MBTD1: variants seen among roughly 807,000 people sequenced by gnomAD.
MBTD1 encodes the protein MBT domain-containing protein 1.
A neutral mutation model predicts 87.8 loss-of-function variants in MBTD1; 24 were observed. That is an observed-to-expected ratio of 0.27 (90% CI 0.20 to 0.38). The LOEUF (loss-of-function observed/expected upper bound fraction) is 0.38. MBTD1 is among the 10% of genes least tolerant of loss of function. MBTD1 has a pLI of 1.00. For synonymous variants in MBTD1, 237 were observed against 248.6 expected (o/e 0.95, Z 0.44); for missense variants, 436 against 760.2 (o/e 0.57, Z 5.02).
Position 51,184,403 on chromosome 17 carries a change from C to T in MBTD1, c.1769-3709G>A, listed in dbSNP as rs952457879. ...AACTGAAATCATATTTTTCCAGCTA[C>T]GAAGCCCATAAATAATAAACTCTTT... On this transcript the variant is annotated intron_variant, in intron 16 of 16. Coordinates refer to ENST00000586178, the MANE Select transcript of MBTD1 (RefSeq NM_017643.3). The T allele has an allele frequency of 3.9e-5, 6 of 152,196 alleles. No individual in the cohort carries two copies. The East Asian group carries it at 5.8e-4, about 15-fold the overall frequency. 9.4% of individuals were successfully genotyped at this position (152,196 alleles called of 1,614,324 possible). A position where few individuals can be genotyped will look rare whatever the true frequency, so the allele number is the denominator to read the frequency against.
intron 2 of MBTD1, among the ~76,000 whole-genome samples, chr17:51,237,209 T>C (rs2053892153): frequency 6.8e-6 from 1 of 147,332 alleles, no homozygotes; most frequent in African/African-American, 2.5e-5. Context: ...GGTGGAAGAA[T>C]CGCTTAACCC....
At chr17:51,242,381 C>T (rs2054206773) in intron 2 of MBTD1, among the ~76,000 whole-genome samples, 1 of 152,168 alleles carries the variant, frequency 6.6e-6, no homozygotes, top group East Asian at 1.9e-4. Flanking sequence ...TACTCATTTG[C>T]TCAACCCTTT....
chr17:51,233,756 A>C (rs2053669803), intron 2 of MBTD1, among the ~76,000 whole-genome samples: 1 of 152,182 alleles, frequency 6.6e-6, no homozygotes, highest in Non-Finnish European at 1.5e-5. Context: ...ATTTAAAAAA[A>C]AATTTATACC....
In MBTD1 at chr17:51,179,506, A is replaced by ATATATATATATATATATATATT. The variant is rs2050219343; in HGVS notation, c.*1069_*1070insAATATATATATATATATATATA. 1.2e-5 allele frequency: 1 copy of ATATATATATATATATATATATT among 82,334 alleles called. No homozygotes were observed. Among genetic ancestry groups the ATATATATATATATATATATATT allele is most frequent in the African/African-American group, 4.6e-5 (1 of 21,558 alleles). The allele number at this position is 82,334 out of a possible 1,614,324, so 5.1% of individuals were successfully genotyped here. On this transcript the variant is annotated 3_prime_UTR_variant, in exon 17 of 17. Coordinates refer to ENST00000586178, the MANE Select transcript of MBTD1 (RefSeq NM_017643.3). Reference sequence around the variant, plus strand: ...ATTTTATATATATATATATATATATATATATATATATATATATATATATAT... The same window carrying ATATATATATATATATATATATT: ...ATTTTATATATATATATATATATATATATATATATATATATATATATTTATATATATATATATATATATATAT...
At chr17:51,248,843 C>T (rs188274025) in intron 2 of MBTD1, among the ~76,000 whole-genome samples, 3 of 152,286 alleles carry the variant, frequency 2.0e-5, no homozygotes, top group Admixed American at 6.5e-5. Context: ...AACTTCAAGA[C>T]GGAAGTGCAA....
At chr17:51,253,155 T>C (rs776709141) in intron 2 of MBTD1, among the ~76,000 whole-genome samples, 9 of 152,170 alleles carry the variant, frequency 5.9e-5, no homozygotes, top group South Asian at 2.1e-4. Flanking sequence ...TATTGAGAGA[T>C]TGATGATATC....
At chr17:51,188,500 T>C (rs930964219) in intron 16 of MBTD1, among the ~76,000 whole-genome samples, 1 of 152,174 alleles carries the variant, frequency 6.6e-6, no homozygotes, top group African/African-American at 2.4e-5. Context: ...CAGAATATGA[T>C]AACCTACCAA....
chr17:51,194,148 A>G (rs1450404239), intron 13 of MBTD1, among the ~76,000 whole-genome samples: 1 of 152,236 alleles, frequency 6.6e-6, no homozygotes, highest in Non-Finnish European at 1.5e-5. Flanking sequence ...AAACTGGCTG[A>G]GCAAATACTA....
intron 2 of MBTD1, among the ~76,000 whole-genome samples, chr17:51,242,444 G>C (rs1235269597): frequency 6.6e-6 from 1 of 152,310 alleles, no homozygotes; most frequent in Non-Finnish European, 1.5e-5. Context: ...CAAAAAAACT[G>C]TTGGAGTTTA....
intron 12 of MBTD1, among the ~76,000 whole-genome samples, chr17:51,201,363 G>T (rs1568167920): frequency 6.6e-6 from 1 of 152,122 alleles, no homozygotes; most frequent in Non-Finnish European, 1.5e-5. Flanking sequence ...TCTAAATTAG[G>T]ATATACTTCC....
chr17:51,182,358 C>CT (rs1300442065), intron 16 of MBTD1, among the ~76,000 whole-genome samples: 1 of 152,010 alleles, frequency 6.6e-6, no homozygotes, highest in Non-Finnish European at 1.5e-5. Context: ...AACTCCTAGC[C>CT]TCATGTGATC....
In MBTD1 at chr17:51,179,443, G is replaced by A. The variant is rs2144923435; in HGVS notation, c.*1133C>T. ...GGAATGTTCAAAATGGTCCAAATCG[G>A]TTATTATTAAAATAAATCCTGAATA... is the stretch of plus-strand genomic sequence containing the variant. On this transcript the variant is annotated 3_prime_UTR_variant, in exon 17 of 17. Transcript: ENST00000586178. 8.5e-6 allele frequency: 1 copy of A among 117,000 alleles called. No homozygotes were observed. Among genetic ancestry groups the A allele is most frequent in the South Asian group, 2.9e-4 (1 of 3,498 alleles). 7.2% of individuals were successfully genotyped at this position (117,000 alleles called of 1,614,324 possible). A position where few individuals can be genotyped will look rare whatever the true frequency, so the allele number is the denominator to read the frequency against.
At chr17:51,224,573 C>T (rs2053103841) in intron 3 of MBTD1, among the ~76,000 whole-genome samples, 1 of 152,020 alleles carries the variant, frequency 6.6e-6, no homozygotes, top group African/African-American at 2.4e-5. Flanking sequence ...TTTTTCAAGC[C>T]AGATTTTAGG....
At chr17:51,242,718 G>A (rs2054224931) in intron 2 of MBTD1, among the ~76,000 whole-genome samples, 2 of 152,126 alleles carry the variant, frequency 1.3e-5, no homozygotes, top group Non-Finnish European at 2.9e-5. Context: ...CACCCACCCT[G>A]TTAAGCGGGT....
intron 16 of MBTD1, chr17:51,186,014 T>G (rs965084283): frequency 6.5e-6 from 1 of 152,758 alleles, no homozygotes; most frequent in African/African-American, 2.4e-5. Context: ...GATGCTGATG[T>G]GACTAATTAC....
At chr17:51,205,898 A>T (rs1298653743) in intron 7 of MBTD1, among the ~76,000 whole-genome samples, 1 of 152,234 alleles carries the variant, frequency 6.6e-6, no homozygotes, top group African/African-American at 2.4e-5. Context: ...TGCCGGAAAT[A>T]AAACTAGAGA....
At chr17:51,246,931 C>T (rs544449453) in intron 2 of MBTD1, among the ~76,000 whole-genome samples, 1 of 152,110 alleles carries the variant, frequency 6.6e-6, no homozygotes, top group Non-Finnish European at 1.5e-5. Context: ...TGAGTCACTG[C>T]ACCTGGCCAT....
chr17:51,242,581 TC>T (rs2054217850), intron 2 of MBTD1, among the ~76,000 whole-genome samples: 1 of 152,202 alleles, frequency 6.6e-6, no homozygotes, highest in Admixed American at 6.5e-5. Context: ...GTTTTTAGTC[TC>T]CTCCATCATC....
At chr17:51,197,347 C>T (rs2051192327) in intron 12 of MBTD1, among the ~76,000 whole-genome samples, 1 of 151,492 alleles carries the variant, frequency 6.6e-6, no homozygotes, top group South Asian at 2.1e-4. Context: ...AGTGATTCTC[C>T]TGCCTCTGCC....
Sources: allele counts gnomAD v4.1 joint callset (sites outside exome capture counted in the v4.1 genomes callset), GRCh38; gene constraint gnomAD v4.1.1; transcripts MANE v1.5; gene names NCBI Gene and HGNC (gene_info 2026-07-23, HGNC 2026-07-21).